The following TFAP2E variants were observed in gnomAD, a reference collection of about 807,000 sequenced individuals.
TFAP2E encodes the protein transcription factor AP-2-epsilon.
TFAP2E carries 30 observed loss-of-function variants against 37.9 expected under a neutral mutation model. That is an observed-to-expected ratio of 0.79 (90% confidence interval 0.59 to 1.07). The LOEUF is 1.07. Ranked by LOEUF, TFAP2E falls within the 50% of genes least tolerant of loss-of-function variation. TFAP2E has a pLI of 0.00. For synonymous variants in TFAP2E, 318 were observed against 295.8 expected, an observed-to-expected ratio of 1.08 and a Z score of -0.77; for missense variants, 567 against 637.9, an observed-to-expected ratio of 0.89 and a Z score of 1.20.
chr1:35,576,763 C>G (rs1649184739), intron 3 of TFAP2E, among the ~76,000 whole-genome samples: 1 of 152,224 alleles, frequency 6.6e-6, no homozygotes, highest in East Asian at 1.9e-4. Context: ...ACTCCTAGAT[C>G]CTAGGGGTAC....
intron 3 of TFAP2E, among the ~76,000 whole-genome samples, chr1:35,583,383 A>G (rs1284019224): frequency 6.6e-6 from 1 of 152,046 alleles, no homozygotes; most frequent in East Asian, 1.9e-4. Flanking sequence ...ACCTCAAATG[A>G]TCCACCCGCC....
rs199603491 is a variant in TFAP2E, at chr1:35,573,575, C to T, written c.-3C>T. ...ACGCCTCGCGCCCGGCACTCACCGCCCCATGCTGGTGCACACCTACTCCGC... is the reference window on the plus strand; with the variant it reads ...ACGCCTCGCGCCCGGCACTCACCGCTCCATGCTGGTGCACACCTACTCCGC... On this transcript the variant is annotated 5_prime_UTR_variant, in exon 1 of 7. Coordinates refer to ENST00000373235, the MANE Select transcript of TFAP2E (RefSeq NM_178548.4). This position sits in a 1 kb window ranked among gnomAD's most constrained non-coding sequence, Gnocchi z 5.9. 209 of 1,532,966 alleles carry T rather than the reference C, an allele frequency of 1.4e-4. No individual in the cohort carries two copies. The highest frequency in any genetic ancestry group is 1.8e-4 in the Non-Finnish European group (206 of 1,140,504). The allele number at this position is 1,532,966 out of a possible 1,614,324, so 95.0% of individuals were successfully genotyped here.
Position 35,574,143 on chromosome 1 carries a change from G to A in TFAP2E, c.244G>A (p.Asp82Asn). The A allele has an allele frequency of 3.5e-6, 5 of 1,445,374 alleles. No individual in the cohort carries two copies. Among genetic ancestry groups the A allele is most frequent in the East Asian group, 6.6e-5 (2 of 30,402 alleles). 89.5% of individuals were successfully genotyped at this position (1,445,374 alleles called of 1,614,324 possible). A position where few individuals can be genotyped will look rare whatever the true frequency, so the allele number is the denominator to read the frequency against. The stretch of plus-strand genomic sequence containing the variant: ...CGCAGCCTTTCCCCACCTGGCAGGG[G>A]ACCCATATGGCGGCCTGGCGCCCCT... ...AAAAFPHLAG[D>N]PYGGLAPLAQ... The change falls in exon 2 of 7, where the codon GAC (aspartate) becomes AAC (asparagine). Residue 82 changes from aspartate to asparagine, a missense_variant. Around this residue, in one of 3 missense-constraint regions of TFAP2E, gnomAD observed 312 missense variants for 317.4 expected, o/e 0.98. Transcript: ENST00000373235.
chr1:35,576,758 T>C (rs1173964551), intron 3 of TFAP2E, among the ~76,000 whole-genome samples: 4 of 152,134 alleles, frequency 2.6e-5, no homozygotes, highest in Non-Finnish European at 5.9e-5. Flanking sequence ...CCAAAACTCC[T>C]AGATCCTAGG....
In TFAP2E at chr1:35,594,741, GT is replaced by G. The variant is rs759695644; in HGVS notation, c.*66del. On this transcript the variant is annotated 3_prime_UTR_variant, in exon 7 of 7. Transcript: ENST00000373235. Reference sequence around the variant, plus strand: ...TGAAATAGGGACTTAGCTCTTGGGGGTGGGCCTGGAAGGACTGAAAGGTGGG... The same window carrying G: ...TGAAATAGGGACTTAGCTCTTGGGGGGGGCCTGGAAGGACTGAAAGGTGGG... 30 of 1,603,864 alleles carry G rather than the reference GT, an allele frequency of 1.9e-5. No individual in the cohort carries two copies. Among genetic ancestry groups the G allele is most frequent in the Admixed American group, 1.2e-4 (7 of 58,246 alleles).
At chr1:35,578,612 C>G (rs556362919) in intron 3 of TFAP2E, among the ~76,000 whole-genome samples, 1 of 152,116 alleles carries the variant, frequency 6.6e-6, no homozygotes, top group East Asian at 1.9e-4. Context: ...CTCAGGGGAT[C>G]TCTAGGACAG....
Position 35,588,490 on chromosome 1 carries a change from G to T in TFAP2E, c.723G>T (p.Val241=). ...TSKYKVTVGE[V]QRRLSPPECL... ...AGTACAAGGTGACGGTGGGGGAGGTGCAGCGGCGACTCTCGCCTCCCGAGT... is the reference window on the plus strand; with the variant it reads ...AGTACAAGGTGACGGTGGGGGAGGTTCAGCGGCGACTCTCGCCTCCCGAGT... The change falls in exon 4 of 7, where the codon GTG becomes GTT. Residue 241 remains valine (V), a synonymous_variant. Transcript: ENST00000373235. The surrounding 1 kb of genome is among the most constrained non-coding windows in gnomAD (Gnocchi z 5.1). 1 of 1,607,960 alleles carries T rather than the reference G, an allele frequency of 6.2e-7. No individual in the cohort carries two copies. Among genetic ancestry groups the T allele is most frequent in the Non-Finnish European group, 8.5e-7 (1 of 1,178,404 alleles).
At chr1:35,575,910 C>A (rs1443384161) in intron 3 of TFAP2E, among the ~76,000 whole-genome samples, 1 of 152,284 alleles carries the variant, frequency 6.6e-6, no homozygotes, top group East Asian at 1.9e-4. Context: ...GGACCAAGTA[C>A]TGGCCATGAC....
rs569146628 is a variant in TFAP2E at position 35,585,913 on chromosome 1, G to C, written c.563-2417G>C. On this transcript the variant is annotated intron_variant, in intron 3 of 6. Coordinates refer to ENST00000373235, the MANE Select transcript of TFAP2E (RefSeq NM_178548.4). ...AACATACAAAAATTACCCAGGCATG[G>C]TGGCACGCACCTGTAGTCCCAGCAA... Among the ~76,000 whole-genome samples the C allele has an allele frequency of 2.6e-5, 4 of 152,182 alleles. No individual in the cohort carries two copies. In the East Asian group the frequency reaches 7.7e-4, roughly 29 times the overall value.
At chr1:35,595,423 G>A (rs1280654716), downstream of TFAP2E, 1 of 152,096 alleles carries the variant, frequency 6.6e-6, no homozygotes, top group African/African-American at 2.4e-5. Flanking sequence ...AGGAGGGAGA[G>A]GGTGTTTTTG....
At chr1:35,585,692 A>G (rs1366869162) in intron 3 of TFAP2E, among the ~76,000 whole-genome samples, 1 of 152,170 alleles carries the variant, frequency 6.6e-6, no homozygotes, top group Non-Finnish European at 1.5e-5. Flanking sequence ...TATACTAAAT[A>G]GTAATATATT....
Position 35,573,499 on chromosome 1 carries a change from C to A in TFAP2E, c.-79C>A. The A allele has an allele frequency of 7.1e-7, 1 of 1,403,740 alleles. No homozygotes were observed. The highest frequency in any genetic ancestry group is 9.2e-7 in the Non-Finnish European group (1 of 1,082,744). 87.0% of individuals were successfully genotyped at this position (1,403,740 alleles called of 1,614,324 possible). Reference sequence around the variant, plus strand: ...GACCTCCGCGGGCTGTGCCGGCTCCCGGCGCCTCTGCCCGCAGCGCTCGCC... The same window carrying A: ...GACCTCCGCGGGCTGTGCCGGCTCCAGGCGCCTCTGCCCGCAGCGCTCGCC... On this transcript the variant is annotated 5_prime_UTR_variant, in exon 1 of 7. Transcript: ENST00000373235. The surrounding 1 kb of genome is among the most constrained non-coding windows in gnomAD (Gnocchi z 5.9).
At chr1:35,586,441 GT>G (rs1649483338) in intron 3 of TFAP2E, among the ~76,000 whole-genome samples, 2 of 152,182 alleles carry the variant, frequency 1.3e-5, no homozygotes, top group African/African-American at 2.4e-5. Flanking sequence ...TTTAGGCTGA[GT>G]TTTTGGCTGC....
rs1649102920 is a variant in TFAP2E at position 35,574,308 on chromosome 1, C to T, written c.409C>T (p.Pro137Ser). Residue 137 changes from proline (P) to serine (S), a missense_variant, in exon 2 of 7, where the codon CCC becomes TCC. By Grantham distance (74) the Pro-to-Ser change is moderately conservative. This residue lies in a region of TFAP2E where 312 missense variants were observed against 317.4 expected (regional missense o/e 0.98). Coordinates refer to ENST00000373235, the MANE Select transcript of TFAP2E (RefSeq NM_178548.4). The part of the protein sequence containing the change: ...DPRRDYATAV[P>S]RLLHGLADGA... Reference sequence around the variant, plus strand: ...GCGCCGTGACTATGCCACTGCCGTGCCCCGGCTCCTGCACGGCCTGGCCGA... The same window carrying T: ...GCGCCGTGACTATGCCACTGCCGTGTCCCGGCTCCTGCACGGCCTGGCCGA... 2.1e-6 allele frequency: 3 copies of T among 1,457,860 alleles called. No homozygotes were observed. Among genetic ancestry groups the T allele is most frequent in the East Asian group, 3.1e-5 (1 of 31,818 alleles). 90.3% of individuals were successfully genotyped at this position (1,457,860 alleles called of 1,614,324 possible). A position where few individuals can be genotyped will look rare whatever the true frequency, so the allele number is the denominator to read the frequency against.
chr1:35,588,555 AG>A lies in TFAP2E; in HGVS notation c.785+5del. On this transcript the variant is annotated splice_donor_region_variant and intron_variant, in intron 4 of 6. Coordinates refer to ENST00000373235, the MANE Select transcript of TFAP2E (RefSeq NM_178548.4). The surrounding 1 kb of genome is among the most constrained non-coding windows in gnomAD (Gnocchi z 5.1). ...CTCCTGGGGGGTGTCCTCCGCAGGT[AG>A]GAAGGCCAGCCCACAATTCCCCGCC... 2 of 1,566,118 alleles carry A rather than the reference AG, an allele frequency of 1.3e-6. No homozygotes were observed. The highest frequency in any genetic ancestry group is 2.3e-5 in the South Asian group (2 of 85,374).
rs1160956529 is a variant in TFAP2E, at chr1:35,574,091, G to T, written c.192G>T (p.Leu64=). The change falls in exon 2 of 7, where the codon CTG becomes CTT. Residue 64 remains leucine (L), a synonymous_variant. Coordinates refer to ENST00000373235, the MANE Select transcript of TFAP2E (RefSeq NM_178548.4). ...CGCCGCCCTACCCGCAGCCACCGCT[G>T]CCCTACGGTCAGGCGCCCGACGCCG... The part of the protein sequence containing the change: ...YFPPPYPQPP[L]PYGQAPDAAA... The T allele has an allele frequency of 2.7e-6, 4 of 1,474,714 alleles. No individual in the cohort carries two copies. In the Admixed American group the frequency reaches 8.8e-5, roughly 32 times the overall value. The allele number at this position is 1,474,714 out of a possible 1,614,324, so 91.4% of individuals were successfully genotyped here.
intron 3 of TFAP2E, among the ~76,000 whole-genome samples, chr1:35,578,556 C>T (rs904590240): frequency 2.6e-5 from 4 of 152,098 alleles, no homozygotes; most frequent in Non-Finnish European, 5.9e-5. Context: ...GGGTGGTTGC[C>T]TACTTGGGGG....
rs1256868937 is a variant in TFAP2E, at chr1:35,573,569, C to G, written c.-9C>G. 3 of 1,528,242 alleles carry G rather than the reference C, an allele frequency of 2.0e-6. No homozygotes were observed. The South Asian group carries it at 3.7e-5, about 19-fold the overall frequency. 94.7% of individuals were successfully genotyped at this position (1,528,242 alleles called of 1,614,324 possible). On this transcript the variant is annotated 5_prime_UTR_variant, in exon 1 of 7. Coordinates refer to ENST00000373235, the MANE Select transcript of TFAP2E (RefSeq NM_178548.4). This position sits in a 1 kb window ranked among gnomAD's most constrained non-coding sequence, Gnocchi z 5.9. The stretch of plus-strand genomic sequence containing the variant: ...GCCGCCACGCCTCGCGCCCGGCACT[C>G]ACCGCCCCATGCTGGTGCACACCTA...
intron 3 of TFAP2E, among the ~76,000 whole-genome samples, chr1:35,587,897 G>A (rs1002702251): frequency 3.9e-5 from 6 of 152,126 alleles, no homozygotes; most frequent in African/African-American, 1.4e-4. Flanking sequence ...CAGGGGTGAG[G>A]TGGGGTGGGA....
Sources: gnomAD v4.1 joint callset for allele counts (sites outside exome capture counted in the v4.1 genomes callset) on GRCh38, gnomAD v4.1.1 for gene constraint, gnomAD v4.1.1 regional missense constraint, Gnocchi (gnomAD v3.1) non-coding constraint, MANE v1.5 for transcripts, NCBI Gene and HGNC (gene_info 2026-07-23, HGNC 2026-07-21) for gene names.